YPEL5: variants seen among roughly 807,000 people sequenced by gnomAD.
YPEL5 encodes the protein protein yippee-like 5.
In YPEL5, 1 loss-of-function variant was observed where a neutral mutation model predicts 10.5. The observed-to-expected ratio is 0.10, with a 90% CI of 0.03 to 0.45. YPEL5 has a LOEUF of 0.45. Among genes scored for constraint, YPEL5 ranks in the 20% least tolerant of loss-of-function variants. The probability of loss-of-function intolerance (pLI) is 0.97; values close to 1 mark genes in which losing one functional copy is unlikely to be tolerated. For synonymous variants in YPEL5, 61 were observed against 56.6 expected (o/e 1.08, Z -0.35); for missense variants, 68 against 159.3 (o/e 0.43, Z 3.09).
In YPEL5 at chr2:30,158,830, C is replaced by G; in HGVS notation, c.353C>G (p.Ser118Cys). 2 of 1,614,196 alleles carry G rather than the reference C, an allele frequency of 1.2e-6. No homozygotes were observed. Among genetic ancestry groups the G allele is most frequent in the Non-Finnish European group, 1.7e-6 (2 of 1,180,024 alleles). Reference protein sequence around the residue: ...ESEGFEEHVPSDNS With the variant: ...ESEGFEEHVPCDNS The stretch of plus-strand genomic sequence containing the variant: ...GAGGGCTTTGAGGAGCATGTACCAT[C>G]TGATAACTCTTGAAGATACAGAGAG... The change falls in exon 3 of 3, where the codon TCT becomes TGT. Residue 118 changes from serine (S) to cysteine (C), a missense_variant. Around this residue, in one of 2 missense-constraint regions of YPEL5, gnomAD observed 20 missense variants for 21.0 expected, o/e 0.95. Transcript: ENST00000261353.
intron 1 of YPEL5, among the ~76,000 whole-genome samples, chr2:30,154,883 C>T (rs553635311): frequency 7.0e-4 from 106 of 152,300 alleles, no homozygotes; most frequent in Middle Eastern, 3.4e-3. Flanking sequence ...AGACTACAGG[C>T]GTGCGCCACC....
intron 1 of YPEL5, among the ~76,000 whole-genome samples, chr2:30,149,223 T>C (rs1390978220): frequency 6.6e-6 from 1 of 152,192 alleles, no homozygotes; most frequent in African/African-American, 2.4e-5. Context: ...GTTATTGAAA[T>C]ATAGTGAACT....
intron 1 of YPEL5, chr2:30,148,066 A>C (rs1398001308): frequency 6.6e-6 from 1 of 152,096 alleles, no homozygotes; most frequent in East Asian, 1.9e-4. Context: ...TGCCCTTGCA[A>C]CCCCTTTCCT....
intron 2 of YPEL5, among the ~76,000 whole-genome samples, chr2:30,157,870 T>C (rs774835597): frequency 6.6e-6 from 1 of 152,228 alleles, no homozygotes; most frequent in Non-Finnish European, 1.5e-5. Flanking sequence ...TTTTGGTAAA[T>C]GTAATGGAAC....
intron 1 of YPEL5, among the ~76,000 whole-genome samples, chr2:30,153,948 T>C (rs910677533): frequency 9.9e-5 from 15 of 152,220 alleles, no homozygotes; most frequent in Non-Finnish European, 1.6e-4. Flanking sequence ...ACAGTAGTTT[T>C]TAGCCAAGGA....
In YPEL5 at chr2:30,159,308, G is replaced by A; in HGVS notation, c.*465G>A. The A allele has an allele frequency of 6.0e-6, 1 of 166,470 alleles. No individual in the cohort carries two copies. The highest frequency in any genetic ancestry group is 1.4e-4 in the South Asian group (1 of 6,914). The allele number at this position is 166,470 out of a possible 1,614,324, so 10.3% of individuals were successfully genotyped here. A position where few individuals can be genotyped will look rare whatever the true frequency, so the allele number is the denominator to read the frequency against. On this transcript the variant is annotated 3_prime_UTR_variant, in exon 3 of 3. Coordinates refer to ENST00000261353, the MANE Select transcript of YPEL5 (RefSeq NM_016061.3). ...GAAGAGATCCGAATCTGTGCCCAGCGCTAAAGGCTCAGTGTTAGCATGGCT... is the reference window on the plus strand; with the variant it reads ...GAAGAGATCCGAATCTGTGCCCAGCACTAAAGGCTCAGTGTTAGCATGGCT...
At chr2:30,154,534 A>G (rs2103515483) in intron 1 of YPEL5, among the ~76,000 whole-genome samples, 1 of 152,326 alleles carries the variant, frequency 6.6e-6, no homozygotes, top group South Asian at 2.1e-4. Context: ...CTCTTTAATG[A>G]GATCTTCCAA....
chr2:30,152,024 T>C (rs1319443115), intron 1 of YPEL5, among the ~76,000 whole-genome samples: 1 of 152,088 alleles, frequency 6.6e-6, no homozygotes, highest in Non-Finnish European at 1.5e-5. Flanking sequence ...GTGTGGGAAT[T>C]TTTGAGGGGC....
intron 1 of YPEL5, among the ~76,000 whole-genome samples, chr2:30,155,364 TAG>T (rs1387164571): frequency 6.6e-6 from 1 of 152,250 alleles, no homozygotes; most frequent in Admixed American, 6.5e-5. Context: ...GGGAAGTTCA[TAG>T]ACCTAGAAGG....
Position 30,158,906 on chromosome 2 carries a change from A to G in YPEL5, c.*63A>G. 3.4e-6 allele frequency: 5 copies of G among 1,485,340 alleles called. No homozygotes were observed. The highest frequency in any genetic ancestry group is 4.7e-6 in the Non-Finnish European group (5 of 1,073,812). The allele number at this position is 1,485,340 out of a possible 1,614,324, so 92.0% of individuals were successfully genotyped here. A position where few individuals can be genotyped will look rare whatever the true frequency, so the allele number is the denominator to read the frequency against. On this transcript the variant is annotated 3_prime_UTR_variant, in exon 3 of 3. Coordinates refer to ENST00000261353, the MANE Select transcript of YPEL5 (RefSeq NM_016061.3). The stretch of plus-strand genomic sequence containing the variant: ...TCACTGAAAACAAAAATCTACTTAC[A>G]TACACTGTCACCTTAGCATCAGAGT...
intron 1 of YPEL5, among the ~76,000 whole-genome samples, chr2:30,150,809 G>T (rs1404298648): frequency 6.6e-6 from 1 of 152,148 alleles, no homozygotes; most frequent in African/African-American, 2.4e-5. Context: ...AAAGGGCCAG[G>T]TAAAAAATAT....
At chr2:30,156,217 C>G (rs893213108) in intron 1 of YPEL5, among the ~76,000 whole-genome samples, 2 of 152,228 alleles carry the variant, frequency 1.3e-5, no homozygotes, top group African/African-American at 4.8e-5. Context: ...TGAAACCTCA[C>G]AATTCTTTTC....
rs187056191 is a variant in YPEL5 at position 30,158,995 on chromosome 2, T to G, written c.*152T>G. 63 of 746,812 alleles carry G rather than the reference T, an allele frequency of 8.4e-5. No homozygotes were observed. In the Middle Eastern group the frequency reaches 1.2e-3, roughly 14 times the overall value. The allele number at this position is 746,812 out of a possible 1,614,324, so 46.3% of individuals were successfully genotyped here. On this transcript the variant is annotated 3_prime_UTR_variant, in exon 3 of 3. Coordinates refer to ENST00000261353, the MANE Select transcript of YPEL5 (RefSeq NM_016061.3). The stretch of plus-strand genomic sequence containing the variant: ...TAAGATGGAACCTTTCTTTCTTTCT[T>G]TCTTTTTTTTTAAATTTTGTATTTT...
At chr2:30,151,971 G>T (rs1445897176) in intron 1 of YPEL5, among the ~76,000 whole-genome samples, 2 of 152,200 alleles carry the variant, frequency 1.3e-5, no homozygotes, top group South Asian at 2.1e-4. Flanking sequence ...ATCAGTGGTT[G>T]CCAGTGGCTG....
chr2:30,156,577 G>A, intron 1 of YPEL5, 51 bp from the exon 2 acceptor site: 3 of 1,562,222 alleles, frequency 1.9e-6, no homozygotes, highest in Non-Finnish European at 2.6e-6. Context: ...CCAAGTAGGT[G>A]CTAACATGAT....
chr2:30,157,901 C>G (rs922230537), intron 2 of YPEL5, among the ~76,000 whole-genome samples: 1 of 152,190 alleles, frequency 6.6e-6, no homozygotes, highest in Non-Finnish European at 1.5e-5. Flanking sequence ...TTGTGCATTA[C>G]GTATTGTCTA....
At chr2:30,148,792 C>G (rs1259118625) in intron 1 of YPEL5, among the ~76,000 whole-genome samples, 1 of 151,940 alleles carries the variant, frequency 6.6e-6, no homozygotes, top group Admixed American at 6.6e-5. Flanking sequence ...GGAAATAAGG[C>G]CAAAAATTAT....
Position 30,159,390 on chromosome 2 carries a change from T to C in YPEL5, c.*547T>C, listed in dbSNP as rs1572764408. ...AGATGAACCGTAGCACCAGAGCCCATTCTTCCTTGTCAGTCTTGGCCCAAA... is the reference window on the plus strand; with the variant it reads ...AGATGAACCGTAGCACCAGAGCCCACTCTTCCTTGTCAGTCTTGGCCCAAA... On this transcript the variant is annotated 3_prime_UTR_variant, in exon 3 of 3. Transcript: ENST00000261353. 6.5e-6 allele frequency: 1 copy of C among 153,368 alleles called. No homozygotes were observed. The highest frequency in any genetic ancestry group is 1.5e-5 in the Non-Finnish European group (1 of 68,610). The allele number at this position is 153,368 out of a possible 1,614,324, so 9.5% of individuals were successfully genotyped here.
intron 1 of YPEL5, among the ~76,000 whole-genome samples, chr2:30,150,040 T>C (rs560945648): frequency 6.6e-6 from 1 of 152,312 alleles, no homozygotes; most frequent in African/African-American, 2.4e-5. Context: ...GAAACCAAAC[T>C]GGATTATTAA....
Sources: gnomAD v4.1 joint callset for allele counts (sites outside exome capture counted in the v4.1 genomes callset) on GRCh38, gnomAD v4.1.1 for gene constraint, gnomAD v4.1.1 regional missense constraint, MANE v1.5 for transcripts, NCBI Gene and HGNC (gene_info 2026-07-23, HGNC 2026-07-21) for gene names.